RAB37: variants seen among roughly 807,000 people sequenced by gnomAD.
The protein encoded by RAB37 is ras-related protein Rab-37.
Under a neutral mutation model 33.1 loss-of-function variants are expected in RAB37, and 29 were observed. The ratio of observed to expected loss-of-function variants is 0.88; its 90% CI spans 0.65 to 1.20. The LOEUF is 1.20. Ranked by LOEUF, RAB37 falls within the 50% of genes most tolerant of loss-of-function variation. The pLI is 0.00. For synonymous variants in RAB37, 128 were observed against 119.5 expected (o/e 1.07, Z -0.47); for missense variants, 299 against 301.1 (o/e 0.99, Z 0.05).
Position 74,695,903 on chromosome 17 carries a change from T to C in RAB37, c.72+24245T>C, listed in dbSNP as rs200772016. On this transcript the variant is annotated intron_variant, in intron 1 of 7. Coordinates refer to the RAB37 transcript ENST00000340415. Reference sequence around the variant, plus strand: ...GCTGGGGAGTCACAAGATCTGTCTGTGGACACAGGTTCCTTTTCCACGGTG... The same window carrying C: ...GCTGGGGAGTCACAAGATCTGTCTGCGGACACAGGTTCCTTTTCCACGGTG... 434 of 1,590,930 alleles carry C rather than the reference T, an allele frequency of 2.7e-4. 1 individual carries two copies. The Middle Eastern group carries it at 4.7e-3, about 17-fold the overall frequency.
chr17:74,681,842 G>T (rs1454053735), intron 1 of RAB37, among the ~76,000 whole-genome samples: 1 of 152,052 alleles, frequency 6.6e-6, no homozygotes, highest in African/African-American at 2.4e-5. Flanking sequence ...CACCTGTCTT[G>T]TCTACTGCCT....
rs1356004989 is a variant in RAB37, at chr17:74,745,353, A to G, written c.614A>G (p.Gln205Arg). The part of the protein sequence containing the change: ...AGHQADEPSF[Q>R]IRDYVESQKK... ...CATCAGGCGGATGAGCCCAGCTTCC[A>G]GATCCGAGACTATGTAGAGTCCCAG... is the stretch of plus-strand genomic sequence containing the variant. The change falls in exon 9 of 9, where the codon CAG (glutamine) becomes CGG (arginine). Residue 205 changes from glutamine (Q) to arginine (R), a missense_variant. Transcript: ENST00000392613. This position sits in a 1 kb window ranked among gnomAD's most constrained non-coding sequence, Gnocchi z 4.5. The G allele has an allele frequency of 6.2e-7, 1 of 1,614,160 alleles. No individual in the cohort carries two copies. The highest frequency in any genetic ancestry group is 1.3e-5 in the African/African-American group (1 of 75,072).
chr17:74,686,525 G>A (rs1163219263), intron 1 of RAB37, among the ~76,000 whole-genome samples: 2 of 151,870 alleles, frequency 1.3e-5, no homozygotes, highest in African/African-American at 4.8e-5. Flanking sequence ...CGAGTAGCTG[G>A]GATTACAGGC....
intron 1 of RAB37, among the ~76,000 whole-genome samples, chr17:74,725,836 A>T (rs1486968017): frequency 6.6e-6 from 1 of 151,898 alleles, no homozygotes; most frequent in Non-Finnish European, 1.5e-5. Flanking sequence ...GGCTGACTTC[A>T]AACTCCTGAC....
At chr17:74,678,197 C>T (rs2031881787) in intron 1 of RAB37, among the ~76,000 whole-genome samples, 1 of 152,204 alleles carries the variant, frequency 6.6e-6, no homozygotes, top group Non-Finnish European at 1.5e-5. Flanking sequence ...TTAACTCACT[C>T]AGGCAATGTA....
intron 1 of RAB37, among the ~76,000 whole-genome samples, chr17:74,684,854 G>GAGAT (rs59094915): frequency 0.19 from 28,194 of 148,980 alleles, 2,736 homozygotes; most frequent in African/African-American, 0.24. Context: ...ACATATGTGT[G>GAGAT]AGATAGATAG....
chr17:74,731,156 T>G (rs146473472), intron 2 of RAB37, among the ~76,000 whole-genome samples: 215 of 152,274 alleles, frequency 1.4e-3, no homozygotes, highest in African/African-American at 4.7e-3. Context: ...CCTCCAGATA[T>G]CAGCGGTCTG....
intron 1 of RAB37, chr17:74,712,729 A>C: frequency 2.3e-6 from 3 of 1,297,056 alleles, no homozygotes; most frequent in Non-Finnish European, 3.3e-6. Flanking sequence ...TCATGCCATT[A>C]AGGACACCTT....
intron 1 of RAB37, among the ~76,000 whole-genome samples, chr17:74,728,405 G>A (rs2034334125): frequency 6.6e-6 from 1 of 151,878 alleles, no homozygotes; most frequent in African/African-American, 2.4e-5. Flanking sequence ...GTGCATGTGT[G>A]TGTTCTTTCT....
In RAB37 at chr17:74,729,485, GAGA is replaced by G. The variant is rs764782140; in HGVS notation, c.183+123_183+125del. On this transcript the variant is annotated intron_variant, in intron 2 of 7. Coordinates refer to the RAB37 transcript ENST00000340415. This position sits in a 1 kb window ranked among gnomAD's most constrained non-coding sequence, Gnocchi z 4.2. ...ATTGGATCATTCAAGGAGGATTAAG[GAGA>G]AGACTGTTCCCCAAGGTGTAGGAGG... 5 of 771,924 alleles carry G rather than the reference GAGA, an allele frequency of 6.5e-6. No individual in the cohort carries two copies. Among genetic ancestry groups the G allele is most frequent in the African/African-American group, 1.7e-5 (1 of 59,086 alleles). 47.8% of individuals were successfully genotyped at this position (771,924 alleles called of 1,614,324 possible).
intron 1 of RAB37, among the ~76,000 whole-genome samples, chr17:74,678,349 T>A (rs2031885236): frequency 6.6e-6 from 1 of 152,114 alleles, no homozygotes; most frequent in Non-Finnish European, 1.5e-5. Flanking sequence ...ACCCTGCTCC[T>A]AAAGGGAGCA....
intron 1 of RAB37, among the ~76,000 whole-genome samples, chr17:74,673,319 C>A (rs2031748062): frequency 6.6e-6 from 1 of 151,282 alleles, no homozygotes; most frequent in South Asian, 2.1e-4. Context: ...AGGAGAATTG[C>A]TTGAGCCTGG....
chr17:74,726,355 G>C (rs200898290), intron 1 of RAB37, among the ~76,000 whole-genome samples: 3 of 151,926 alleles, frequency 2.0e-5, no homozygotes, highest in Non-Finnish European at 1.5e-5. Flanking sequence ...TCAGTGAGCT[G>C]GAAAATGTCC....
chr17:74,733,490 G>GT (rs1307431269), upstream of RAB37, among the ~76,000 whole-genome samples: 1 of 152,288 alleles, frequency 6.6e-6, no homozygotes, highest in Non-Finnish European at 1.5e-5. Flanking sequence ...TGAGGTGTGT[G>GT]GTGTGATTTG....
intron 1 of RAB37, among the ~76,000 whole-genome samples, chr17:74,725,810 G>T (rs558611003): frequency 1.3e-5 from 2 of 152,094 alleles, no homozygotes; most frequent in South Asian, 4.2e-4. Context: ...TTTTAGTAGA[G>T]ACAGCATGTT....
intron 1 of RAB37, chr17:74,705,272 G>C (rs1400439919): frequency 1.4e-6 from 1 of 700,942 alleles, no homozygotes; most frequent in Non-Finnish European, 2.6e-6. Context: ...GCTGTGGAGA[G>C]GCTGTCCTGG....
chr17:74,694,760 A>G (rs181624680), intron 1 of RAB37: 30 of 201,932 alleles, frequency 1.5e-4, no homozygotes, highest in South Asian at 1.2e-3. Flanking sequence ...TAGGCAATAA[A>G]TAAAGGTTCA....
At chr17:74,727,381 C>T (rs949352463) in intron 1 of RAB37, among the ~76,000 whole-genome samples, 1 of 152,236 alleles carries the variant, frequency 6.6e-6, no homozygotes, top group Non-Finnish European at 1.5e-5. Context: ...AGCCTTCAGA[C>T]CATGATGCAG....
chr17:74,703,800 G>A (rs1051095818), intron 1 of RAB37, among the ~76,000 whole-genome samples: 1 of 152,214 alleles, frequency 6.6e-6, no homozygotes, highest in African/African-American at 2.4e-5. Context: ...AGGGACAGCA[G>A]AACAAGCCCA....
Sources: gnomAD v4.1 joint callset for allele counts (sites outside exome capture counted in the v4.1 genomes callset) on GRCh38, gnomAD v4.1.1 for gene constraint, Gnocchi (gnomAD v3.1) non-coding constraint, MANE v1.5 for transcripts, NCBI Gene and HGNC (gene_info 2026-07-23, HGNC 2026-07-21) for gene names.